Variants in GSG1L observed in about 807,000 individuals in gnomAD.
The protein encoded by GSG1L is GSG1 like.
GSG1L carries 24 observed loss-of-function variants against 42.1 expected under a neutral mutation model. That is an observed-to-expected ratio of 0.57 (90% confidence interval 0.41 to 0.80). GSG1L has a LOEUF of 0.80. GSG1L is among the 30% of genes least tolerant of loss of function. The pLI is 0.00. For missense variants in GSG1L, 445 were observed against 472.2 expected, an observed-to-expected ratio of 0.94 and a Z score of 0.53; for synonymous variants, 215 against 203.5, an observed-to-expected ratio of 1.06 and a Z score of -0.48.
chr16:27,885,578 C>G lies in GSG1L; in HGVS notation c.398-940G>C, dbSNP rs559148663. Among the ~76,000 whole-genome samples the G allele has an allele frequency of 3.9e-5, 6 of 152,362 alleles. No individual in the cohort carries two copies. In the South Asian group the frequency reaches 1.2e-3, roughly 32 times the overall value. On this transcript the variant is annotated intron_variant, in intron 2 of 6. Transcript: ENST00000447459. Reference sequence around the variant, plus strand: ...ACCCATCATTGCTACTCCCACACTTCAACCTTGTGGTTCTCCCAGTCAGCC... The same window carrying G: ...ACCCATCATTGCTACTCCCACACTTGAACCTTGTGGTTCTCCCAGTCAGCC...
At chr16:27,856,791 G>C (rs909734657) in intron 3 of GSG1L, among the ~76,000 whole-genome samples, 3 of 152,214 alleles carry the variant, frequency 2.0e-5, no homozygotes, top group Admixed American at 1.3e-4. Context: ...CTTGGGCATC[G>C]GATGTGGCAA....
chr16:27,828,748 G>A lies in GSG1L; in HGVS notation c.830+41C>T, dbSNP rs56935331. The stretch of plus-strand genomic sequence containing the variant: ...CACTGAGGCCAGGCCGTGGGCTTTA[G>A]AGTCCCCGTGGTGGCCAGAGGTAAC... On this transcript the variant is annotated intron_variant, in intron 5 of 6. Coordinates refer to ENST00000447459, the MANE Select transcript of GSG1L (RefSeq NM_001109763.2). The A allele has an allele frequency of 5.0e-6, 8 of 1,586,044 alleles. No homozygotes were observed. In the East Asian group the frequency reaches 1.6e-4, roughly 31 times the overall value.
intron 1 of GSG1L, among the ~76,000 whole-genome samples, chr16:27,987,410 G>A (rs1182706568): frequency 1.3e-5 from 2 of 152,134 alleles, no homozygotes; most frequent in Non-Finnish European, 2.9e-5. Context: ...GGAGCCATTC[G>A]ATTCTAGACT....
chr16:27,999,026 T>C (rs912838237), intron 1 of GSG1L, among the ~76,000 whole-genome samples: 1 of 152,210 alleles, frequency 6.6e-6, no homozygotes, highest in Non-Finnish European at 1.5e-5. Flanking sequence ...ATTTGAATTA[T>C]ATGTTTACTT....
At chr16:28,002,431 G>C (rs1013404457) in intron 1 of GSG1L, among the ~76,000 whole-genome samples, 1 of 152,010 alleles carries the variant, frequency 6.6e-6, no homozygotes, top group African/African-American at 2.4e-5. Flanking sequence ...GACTAGCCTG[G>C]GCAACGTGGC....
rs192479277 is a variant in GSG1L at position 27,871,223 on chromosome 16, A to T, written c.550+13263T>A. 2.5e-3 allele frequency among the ~76,000 whole-genome samples: 382 copies of T among 152,254 alleles called. 10 individuals carry two copies. The highest frequency in any genetic ancestry group is 0.021 in the Admixed American group (319 of 15,304). On this transcript the variant is annotated intron_variant, in intron 3 of 6. Transcript: ENST00000447459. The stretch of plus-strand genomic sequence containing the variant: ...GACATGTAGCAGGTGGAGGCCAGGG[A>T]TGCTGCTGGACACCCCACAATGCAC...
At chr16:28,055,926 G>A in intron 1 of GSG1L, among the ~76,000 whole-genome samples, 1 of 58,782 alleles carries the variant, frequency 1.7e-5, no homozygotes, top group East Asian at 6.3e-4. Context: ...AAACACGGGG[G>A]AGTGACGTGA....
chr16:27,810,997 C>A (rs1017425542), intron 5 of GSG1L, among the ~76,000 whole-genome samples: 2 of 152,090 alleles, frequency 1.3e-5, no homozygotes, highest in African/African-American at 4.8e-5. Context: ...CCAAAAAAGT[C>A]TTTTAATAAA....
At chr16:28,055,835 C>T (rs2086272736) in intron 1 of GSG1L, among the ~76,000 whole-genome samples, 1 of 152,146 alleles carries the variant, frequency 6.6e-6, no homozygotes, top group African/African-American at 2.4e-5. Flanking sequence ...AAGAGCTTAA[C>T]CTGCACCGTC....
chr16:27,938,499 C>A (rs1419077274), intron 2 of GSG1L, among the ~76,000 whole-genome samples: 1 of 152,046 alleles, frequency 6.6e-6, no homozygotes, highest in African/African-American at 2.4e-5. Context: ...GAAACACTGG[C>A]TGGAGCCTTG....
chr16:27,889,237 G>A (rs569278626), intron 2 of GSG1L, among the ~76,000 whole-genome samples: 8 of 152,090 alleles, frequency 5.3e-5, no homozygotes, highest in Non-Finnish European at 8.8e-5. Context: ...TGATCCTCCC[G>A]CCTCGGCCTC....
rs11640626 is a variant in GSG1L at position 27,884,897 on chromosome 16, C to T, written c.398-259G>A. Among the ~76,000 whole-genome samples, 10,778 of 152,146 alleles carry T rather than the reference C, an allele frequency of 0.071. 527 individuals carry two copies. Among genetic ancestry groups the T allele is most frequent in the African/African-American group, 0.12 (4,973 of 41,480 alleles). On this transcript the variant is annotated intron_variant, in intron 2 of 6. Coordinates refer to ENST00000447459, the MANE Select transcript of GSG1L (RefSeq NM_001109763.2). This position sits in a 1 kb window ranked among gnomAD's most constrained non-coding sequence, Gnocchi z 4.4. ...TTTTATCCTGTGGCTGGACCAAGGG[C>T]TCCCTTTCTTTCTCATGGATTAGAT...
Position 27,963,187 on chromosome 16 carries a change from G to A in GSG1L, c.366C>T (p.Ser122=). The A allele has an allele frequency of 6.2e-7, 1 of 1,613,888 alleles. No homozygotes were observed. The change falls in exon 2 of 7, where the codon AGC becomes AGT. Residue 122 remains serine (S), a synonymous_variant. Transcript: ENST00000447459. ...CCGATGCCGGGGCCAGGTCAATGAA[G>A]CTGCGACATTTTTCACCTTTGAAAA... The part of the protein sequence containing the change: ...ELSGLGEKCR[S]FIDLAPASEK...
Position 27,977,382 on chromosome 16 carries a change from A to G in GSG1L, c.350-14179T>C, listed in dbSNP as rs137917928. Among the ~76,000 whole-genome samples the G allele has an allele frequency of 7.9e-3, 1,198 of 152,054 alleles. 4 individuals carry two copies. The highest frequency in any genetic ancestry group is 0.011 in the Non-Finnish European group (754 of 67,968). Reference sequence around the variant, plus strand: ...GATCACTTGAGGTCAGGAGTTTGAGACCAACATGGTCAAACCCTGTCTCTA... The same window carrying G: ...GATCACTTGAGGTCAGGAGTTTGAGGCCAACATGGTCAAACCCTGTCTCTA... On this transcript the variant is annotated intron_variant, in intron 1 of 6. Transcript: ENST00000447459.
chr16:27,832,345 T>C (rs1009264579), intron 4 of GSG1L, among the ~76,000 whole-genome samples: 7 of 152,124 alleles, frequency 4.6e-5, no homozygotes, highest in African/African-American at 1.2e-4. Flanking sequence ...AGACCAAGGA[T>C]CTCTTCTGTG....
intron 4 of GSG1L, 85 bp from the exon 5 acceptor site, chr16:27,829,041 C>A: frequency 7.7e-7 from 1 of 1,300,220 alleles, no homozygotes; most frequent in Non-Finnish European, 1.1e-6. Context: ...ATTCATTCAT[C>A]CCTGCATGGC....
chr16:27,812,633 G>A (rs1597466847), intron 5 of GSG1L, among the ~76,000 whole-genome samples: 1 of 152,034 alleles, frequency 6.6e-6, no homozygotes, highest in Non-Finnish European at 1.5e-5. Context: ...TGGGGAGCAG[G>A]GCTGGAATGT....
chr16:27,968,286 G>T (rs987535016), intron 1 of GSG1L, among the ~76,000 whole-genome samples: 3 of 151,820 alleles, frequency 2.0e-5, no homozygotes, highest in African/African-American at 7.3e-5. Context: ...GTCTTGCCCT[G>T]TTGCCCAGGC....
intron 3 of GSG1L, among the ~76,000 whole-genome samples, chr16:27,857,365 T>G (rs2140996222): frequency 6.7e-6 from 1 of 150,228 alleles, no homozygotes; most frequent in South Asian, 2.1e-4. Flanking sequence ...GAGGCAGAGG[T>G]TGCAGTGAGC....
Sources: allele counts gnomAD v4.1 joint callset (sites outside exome capture counted in the v4.1 genomes callset), GRCh38; gene constraint gnomAD v4.1.1; non-coding constraint Gnocchi (gnomAD v3.1); transcripts MANE v1.5; gene names NCBI Gene and HGNC (gene_info 2026-07-23, HGNC 2026-07-21).